Variants in KRT36 observed in about 807,000 individuals in gnomAD.
The protein encoded by KRT36 is keratin, type I cuticular Ha6.
Under a neutral mutation model 43.0 loss-of-function variants are expected in KRT36, and 41 were observed. The observed-to-expected ratio is 0.95, with a 90% CI of 0.74 to 1.24. KRT36 has a LOEUF of 1.24. Ranked by LOEUF, KRT36 falls within the 50% of genes most tolerant of loss-of-function variation. The probability of loss-of-function intolerance (pLI) is 0.00; values close to 1 mark genes in which losing one functional copy is unlikely to be tolerated. For missense variants in KRT36, 627 were observed against 595.3 expected, an observed-to-expected ratio of 1.05 and a Z score of -0.55; for synonymous variants, 277 against 252.9, an observed-to-expected ratio of 1.10 and a Z score of -0.90.
At chr17:41,487,214 C>G (rs770771908) in intron 5 of KRT36, 44 bp from the exon 6 acceptor site, 15 of 1,590,990 alleles carry the variant, frequency 9.4e-6, no homozygotes, top group Non-Finnish European at 1.3e-5. Flanking sequence ...GGAGGAATCC[C>G]CTGACCCCAG....
intron 1 of KRT36, among the ~76,000 whole-genome samples, 172 bp from the exon 2 acceptor site, chr17:41,488,896 TC>T (rs1343531776): frequency 6.6e-6 from 1 of 152,082 alleles, no homozygotes; most frequent in East Asian, 1.9e-4. Flanking sequence ...CACAGGGGCA[TC>T]CCGAGGATGT....
Position 41,487,332 on chromosome 17 carries a change from G to A in KRT36, c.987+19C>T, listed in dbSNP as rs748498421. 9 of 1,607,088 alleles carry A rather than the reference G, an allele frequency of 5.6e-6. No homozygotes were observed. The highest frequency in any genetic ancestry group is 2.2e-5 in the South Asian group (2 of 90,582). On this transcript the variant is annotated intron_variant, in intron 5 of 6. Transcript: ENST00000328119. ...CCTGCCACAGGCCGTGGCCAGCGACGCAGGCAGGGGCCACTCACCATGCTG... is the reference window on the plus strand; with the variant it reads ...CCTGCCACAGGCCGTGGCCAGCGACACAGGCAGGGGCCACTCACCATGCTG...
intron 1 of KRT36, among the ~76,000 whole-genome samples, 184 bp downstream of exon 1, chr17:41,489,222 G>A (rs897663818): frequency 2.0e-5 from 3 of 152,254 alleles, no homozygotes; most frequent in South Asian, 4.1e-4. Flanking sequence ...TGGCAACAAG[G>A]TACAAGCAAG....
rs778333675 is a variant in KRT36 at position 41,487,676 on chromosome 17, G to C, written c.761C>G (p.Pro254Arg). 1 of 1,614,186 alleles carries C rather than the reference G, an allele frequency of 6.2e-7. No homozygotes were observed. The highest frequency in any genetic ancestry group is 2.2e-5 in the East Asian group (1 of 44,884). Residue 254 changes from proline to arginine, a missense_variant, in exon 4 of 7, where the codon CCC becomes CGC. Physicochemically the swap from Pro to Arg is moderately radical, Grantham distance 103 (BLOSUM62 -2). Coordinates refer to ENST00000328119, the MANE Select transcript of KRT36 (RefSeq NM_003771.5). ...DRLNVEVDAA[P>R]PVDLNKILED... ...CAGGATCTTGTTGAGATCCACTGGG[G>C]GAGCAGCGTCCACCTCCACATTCAG...
chr17:41,488,489 CG>C, intron 2 of KRT36, 90 bp from the exon 3 acceptor site: 1 of 1,548,308 alleles, frequency 6.5e-7, no homozygotes, highest in South Asian at 1.2e-5. Context: ...CAGTGGCTGA[CG>C]GGATCAGGAG....
chr17:41,489,137 C>T (rs1403934609), intron 1 of KRT36, among the ~76,000 whole-genome samples: 1 of 152,188 alleles, frequency 6.6e-6, no homozygotes, highest in Non-Finnish European at 1.5e-5. Context: ...GTGTCAGGCA[C>T]AGTGCTGTAT....
intron 5 of KRT36, 68 bp downstream of exon 5, chr17:41,487,283 A>C: frequency 1.9e-6 from 3 of 1,581,984 alleles, no homozygotes; most frequent in Non-Finnish European, 2.6e-6. Context: ...GAGAGCCTGC[A>C]CGCTGAGGCT....
chr17:41,486,548 G>C lies in KRT36; in HGVS notation c.1232C>G (p.Thr411Arg), dbSNP rs369076801. 1.1e-5 allele frequency: 17 copies of C among 1,587,692 alleles called. No homozygotes were observed. Among genetic ancestry groups the C allele is most frequent in the South Asian group, 1.1e-5 (1 of 86,994 alleles). ...AACTCTAATAACAGGCTTGCATGCC[G>C]TGGCACAAGGTTGGGGAGGAAGCCT... ...DCKLPPQPCATACKPVIRVPS... is the reference protein window; with the variant it reads ...DCKLPPQPCARACKPVIRVPS... The change falls in exon 7 of 7, where the codon ACG becomes AGG. Residue 411 changes from threonine (T) to arginine (R), a missense_variant. Transcript: ENST00000328119.
rs147263934 is a variant in KRT36, at chr17:41,487,428, A to C, written c.910T>G (p.Cys304Gly). The change falls in exon 5 of 7, where the codon TGC becomes GGC. Residue 304 changes from cysteine (C) to glycine (G), a missense_variant. Transcript: ENST00000328119. ...AGCTCGATGATCTCCGTCTGGCAGC[A>C]CTGCAGCTGCTCCGAGCTGGACACC... ...QVVSSSEQLQ[C>G]CQTEIIELRR... 2.6e-4 allele frequency: 412 copies of C among 1,614,078 alleles called. 1 individual carries two copies. The African/African-American group carries it at 4.9e-3, about 19-fold the overall frequency.
rs749976436 is a variant in KRT36 at position 41,486,204 on chromosome 17, G to A, written c.*172C>T. On this transcript the variant is annotated 3_prime_UTR_variant, in exon 7 of 7. Coordinates refer to ENST00000328119, the MANE Select transcript of KRT36 (RefSeq NM_003771.5). ...TCCAGGAAACCTGGTTTTGCATGGC[G>A]TAAAAGCACAGTTAAGTCCGGAAAC... 42 of 589,406 alleles carry A rather than the reference G, an allele frequency of 7.1e-5. No homozygotes were observed. The Admixed American group carries it at 7.5e-4, about 10-fold the overall frequency. 36.5% of individuals were successfully genotyped at this position (589,406 alleles called of 1,614,324 possible).
At chr17:41,487,259 T>C (rs1373719560) in intron 5 of KRT36, 89 bp from the exon 6 acceptor site, 2 of 1,576,500 alleles carry the variant, frequency 1.3e-6, no homozygotes, top group African/African-American at 1.3e-5. Flanking sequence ...CTACGGCCTG[T>C]GATCACACCC....
chr17:41,486,547 C>A lies in KRT36; in HGVS notation c.1233G>T (p.Thr411=). 1.9e-6 allele frequency: 3 copies of A among 1,590,446 alleles called. No individual in the cohort carries two copies. Among genetic ancestry groups the A allele is most frequent in the South Asian group, 1.1e-5 (1 of 87,476 alleles). ...DCKLPPQPCA[T]ACKPVIRVPS... is the part of the protein sequence containing the mutation. ...GAACTCTAATAACAGGCTTGCATGC[C>A]GTGGCACAAGGTTGGGGAGGAAGCC... The change falls in exon 7 of 7, where the codon ACG becomes ACT. Residue 411 remains threonine, a synonymous_variant. Transcript: ENST00000328119.
At chr17:41,486,909 A>G in intron 6 of KRT36, 41 bp downstream of exon 6, 1 of 1,568,464 alleles carries the variant, frequency 6.4e-7, no homozygotes, top group Non-Finnish European at 8.7e-7. Context: ...CATGGCACTG[A>G]GGGTTCAGTC....
chr17:41,488,672 G>A lies in KRT36; in HGVS notation c.512C>T (p.Ala171Val), dbSNP rs776329520. Residue 171 changes from alanine (A) to valine (V), a missense_variant, in exon 2 of 7, where the codon GCC (alanine) becomes GTC (valine). Coordinates refer to ENST00000328119, the MANE Select transcript of KRT36 (RefSeq NM_003771.5). ...NARLVLQIDN[A>V]KLAADDFRTK... ...CCGGAAGTCGTCAGCAGCCAGCTTG[G>A]CATTATCAATCTGCAGGACCAGCCT... 2 of 1,614,186 alleles carry A rather than the reference G, an allele frequency of 1.2e-6. No homozygotes were observed. Among genetic ancestry groups the A allele is most frequent in the African/African-American group, 1.3e-5 (1 of 75,052 alleles).
chr17:41,487,414 C>T lies in KRT36; in HGVS notation c.924G>A (p.Glu308=), dbSNP rs993177166. ...SSEQLQCCQT[E]IIELRRTVNA... Reference sequence around the variant, plus strand: ...TGACCGTACGTCTCAGCTCGATGATCTCCGTCTGGCAGCACTGCAGCTGCT... The same window carrying T: ...TGACCGTACGTCTCAGCTCGATGATTTCCGTCTGGCAGCACTGCAGCTGCT... Residue 308 remains glutamate, a synonymous_variant, in exon 5 of 7, where the codon GAG becomes GAA. Coordinates refer to ENST00000328119, the MANE Select transcript of KRT36 (RefSeq NM_003771.5). 22 of 1,613,876 alleles carry T rather than the reference C, an allele frequency of 1.4e-5. No individual in the cohort carries two copies. The highest frequency in any genetic ancestry group is 2.7e-5 in the African/African-American group (2 of 74,928).
chr17:41,488,492 G>A, intron 2 of KRT36, 93 bp from the exon 3 acceptor site: 1 of 1,543,582 alleles, frequency 6.5e-7, no homozygotes, highest in Non-Finnish European at 8.9e-7. Flanking sequence ...TGGCTGACGG[G>A]ATCAGGAGCA....
chr17:41,487,870 G>C, intron 3 of KRT36, 133 bp from the exon 4 acceptor site: 1 of 878,412 alleles, frequency 1.1e-6, no homozygotes, highest in Non-Finnish European at 1.7e-6. Context: ...AAATATCTCT[G>C]AGCCTTGGTC....
rs374454688 is a variant in KRT36, at chr17:41,488,262, A to C, written c.680T>G (p.Leu227Arg). The change falls in exon 3 of 7, where the codon CTC becomes CGC. Residue 227 changes from leucine (L) to arginine (R), a missense_variant. Coordinates refer to ENST00000328119, the MANE Select transcript of KRT36 (RefSeq NM_003771.5). Reference protein sequence around the residue: ...VESLKEELMCLKKNHEEEVSV... With the variant: ...VESLKEELMCRKKNHEEEVSV... Reference sequence around the variant, plus strand: ...CCTCACCTCCTCGTGATTCTTCTTGAGGCACATCAGCTCCTCCTTCAGGGA... The same window carrying C: ...CCTCACCTCCTCGTGATTCTTCTTGCGGCACATCAGCTCCTCCTTCAGGGA... 3.7e-6 allele frequency: 6 copies of C among 1,613,950 alleles called. No homozygotes were observed. The highest frequency in any genetic ancestry group is 1.7e-4 in the Middle Eastern group (1 of 6,056).
At position 41,489,529 on chromosome 17, in the gene KRT36, A is replaced by G. The variant is rs1458199949; in HGVS notation, c.336T>C (p.Arg112=). 1 of 1,614,024 alleles carries G rather than the reference A, an allele frequency of 6.2e-7. No homozygotes were observed. The highest frequency in any genetic ancestry group is 8.5e-7 in the Non-Finnish European group (1 of 1,180,024). The change falls in exon 1 of 7, where the codon CGT becomes CGC. Residue 112 remains arginine, a synonymous_variant. Coordinates refer to ENST00000328119, the MANE Select transcript of KRT36 (RefSeq NM_003771.5). ...GCTCCGCGTTCTCCCGCTCCAGCTGACGCACCTTCTCCAGGTAGTTGGCCA... is the reference window on the plus strand; with the variant it reads ...GCTCCGCGTTCTCCCGCTCCAGCTGGCGCACCTTCTCCAGGTAGTTGGCCA... ...DRLANYLEKV[R]QLERENAELE...
Sources: gnomAD v4.1 joint callset for allele counts (sites outside exome capture counted in the v4.1 genomes callset) on GRCh38, gnomAD v4.1.1 for gene constraint, MANE v1.5 for transcripts, NCBI Gene and HGNC (gene_info 2026-07-23, HGNC 2026-07-21) for gene names.